The following SUFU variants were observed in gnomAD, a reference collection of about 807,000 sequenced individuals.
The protein encoded by SUFU is suppressor of fused homolog.
Under a neutral mutation model 58.9 loss-of-function variants are expected in SUFU, and 7 were observed. The ratio of observed to expected loss-of-function variants is 0.12; its 90% confidence interval spans 0.07 to 0.22. The LOEUF (loss-of-function observed/expected upper bound fraction) is 0.22, where lower values mean the gene tolerates loss of function less well. Among genes scored for constraint, SUFU ranks in the 10% least tolerant of loss-of-function variants. The pLI, the probability that SUFU is intolerant of heterozygous loss-of-function variation, is 1.00. For synonymous variants in SUFU, 232 were observed against 254.8 expected (o/e 0.91, Z 0.85); for missense variants, 451 against 641.3 (o/e 0.70, Z 3.20).
rs113962600 is a variant in SUFU, at chr10:102,503,975, C to T, written c.-178C>T. 10,568 of 910,658 alleles carry T rather than the reference C, an allele frequency of 0.012. 786 individuals carry two copies. In the African/African-American group the frequency reaches 0.16, roughly 14 times the overall value. 56.4% of individuals were successfully genotyped at this position (910,658 alleles called of 1,614,324 possible). On this transcript the variant is annotated 5_prime_UTR_variant, in exon 1 of 12. Transcript: ENST00000369902. ...CCGCCCCGAGGCACCCTCTGGCAGACTCGGCGGCGGCGACAGCCTGGGCGG... is the reference window on the plus strand; with the variant it reads ...CCGCCCCGAGGCACCCTCTGGCAGATTCGGCGGCGGCGACAGCCTGGGCGG...
chr10:102,613,082 GGAAA>G (rs1290260777), intron 8 of SUFU, among the ~76,000 whole-genome samples: 2 of 152,222 alleles, frequency 1.3e-5, no homozygotes, highest in Non-Finnish European at 2.9e-5. Flanking sequence ...CTGGTGGAAG[GGAAA>G]GAGAGTTGGT....
In SUFU at chr10:102,504,164, G is replaced by A. The variant is rs189234140; in HGVS notation, c.12G>A (p.Leu4=). The change falls in exon 1 of 12, where the codon CTG becomes CTA. Residue 4 remains leucine, a synonymous_variant. Coordinates refer to ENST00000369902, the MANE Select transcript of SUFU (RefSeq NM_016169.4). Reference sequence around the variant, plus strand: ...CCCTACGCACCCCGATGGCGGAGCTGCGGCCTAGCGGCGCCCCCGGCCCCA... The same window carrying A: ...CCCTACGCACCCCGATGGCGGAGCTACGGCCTAGCGGCGCCCCCGGCCCCA... MAE[L]RPSGAPGPTA... 7.4e-4 allele frequency: 1,139 copies of A among 1,544,724 alleles called. 6 individuals are homozygous for A. The African/African-American group carries it at 0.013, about 18-fold the overall frequency.
At chr10:102,588,391 T>TA (rs1230401657) in intron 3 of SUFU, among the ~76,000 whole-genome samples, 221 of 121,906 alleles carry the variant, frequency 1.8e-3, no homozygotes, top group Admixed American at 2.9e-3. Flanking sequence ...AGACTCTGTC[T>TA]CAAAAAAAAA....
At chr10:102,568,940 A>C (rs61871131) in intron 3 of SUFU, among the ~76,000 whole-genome samples, 1,507 of 64,140 alleles carry the variant, frequency 0.023, 167 homozygotes, top group Middle Eastern at 0.065. Context: ...ATATATATAT[A>C]TATATATATA....
chr10:102,591,304 T>C (rs1391783601), intron 3 of SUFU, among the ~76,000 whole-genome samples: 2 of 152,190 alleles, frequency 1.3e-5, no homozygotes, highest in Admixed American at 1.3e-4. Context: ...ATCGAGGCCA[T>C]CCTGGCTAAC....
intron 5 of SUFU, 72 bp downstream of exon 5, chr10:102,593,793 G>T (rs2063431288): frequency 2.0e-6 from 3 of 1,513,028 alleles, no homozygotes; most frequent in Admixed American, 3.4e-5. Context: ...TACCCTCCAT[G>T]TGGGGCTCCC....
Position 102,617,382 on chromosome 10 carries a change from T to C in SUFU, c.1250T>C (p.Phe417Ser). 4 of 1,614,228 alleles carry C rather than the reference T, an allele frequency of 2.5e-6. No homozygotes were observed. Among genetic ancestry groups the C allele is most frequent in the Non-Finnish European group, 3.4e-6 (4 of 1,180,046 alleles). The part of the protein sequence containing the change: ...TFVSTGVEGA[F>S]ATEEHPYAAH... ...GTCTCCACGGGAGTGGAAGGCGCCT[T>C]TGCCACTGAGGAGCATCCTTACGCG... Residue 417 changes from phenylalanine (F) to serine (S), a missense_variant, in exon 10 of 12, where the codon TTT becomes TCT. Coordinates refer to ENST00000369902, the MANE Select transcript of SUFU (RefSeq NM_016169.4). This position sits in a 1 kb window ranked among gnomAD's most constrained non-coding sequence, Gnocchi z 4.4.
chr10:102,608,799 A>G (rs1466883601), intron 8 of SUFU, among the ~76,000 whole-genome samples: 7 of 152,130 alleles, frequency 4.6e-5, no homozygotes, highest in Non-Finnish European at 1.0e-4. Context: ...AAACCGGTAC[A>G]TTTTCCCTCT....
At chr10:102,505,125 G>C (rs148290071) in intron 1 of SUFU, among the ~76,000 whole-genome samples, 12 of 152,290 alleles carry the variant, frequency 7.9e-5, no homozygotes, top group South Asian at 4.1e-4. Flanking sequence ...GAAATAAATG[G>C]TGGAGACTCT....
chr10:102,583,512 A>C (rs1232690881), intron 3 of SUFU, among the ~76,000 whole-genome samples: 1 of 152,152 alleles, frequency 6.6e-6, no homozygotes, highest in Non-Finnish European at 1.5e-5. Context: ...GCCTCTTCCC[A>C]AGTTATTAAG....
At chr10:102,622,082 C>T (rs966931532) in intron 10 of SUFU, among the ~76,000 whole-genome samples, 13 of 152,234 alleles carry the variant, frequency 8.5e-5, no homozygotes, top group African/African-American at 3.1e-4. Context: ...TGTGAGCCCA[C>T]TGGAGTAGCT....
intron 1 of SUFU, among the ~76,000 whole-genome samples, chr10:102,507,577 TTCTTAAA>T (rs1589973685): frequency 6.6e-6 from 1 of 152,240 alleles, no homozygotes; most frequent in Non-Finnish European, 1.5e-5. Flanking sequence ...TGTAGCAACT[TTCTTAAA>T]AGTTCTATAA....
chr10:102,590,669 T>C (rs1270723229), intron 3 of SUFU: 1 of 152,254 alleles, frequency 6.6e-6, no homozygotes, highest in Non-Finnish European at 1.5e-5. Flanking sequence ...GAAAAGTTGA[T>C]ATTAATTCTT....
intron 3 of SUFU, among the ~76,000 whole-genome samples, chr10:102,578,352 T>C (rs1178281963): frequency 6.6e-6 from 1 of 151,074 alleles, no homozygotes; most frequent in Admixed American, 6.6e-5. Flanking sequence ...CCGAGGTGGG[T>C]GGATCACTTG....
In SUFU at chr10:102,593,787, C is replaced by T. The variant is rs184742566; in HGVS notation, c.683+66C>T. 5 of 1,521,922 alleles carry T rather than the reference C, an allele frequency of 3.3e-6. No homozygotes were observed. The East Asian group carries it at 9.1e-5, about 28-fold the overall frequency. 94.3% of individuals were successfully genotyped at this position (1,521,922 alleles called of 1,614,324 possible). A position where few individuals can be genotyped will look rare whatever the true frequency, so the allele number is the denominator to read the frequency against. ...TGGGGGTGGGAGTCCCTCCACTACC[C>T]TCCATGTGGGGCTCCCTCTTGCGTT... On this transcript the variant is annotated intron_variant, in intron 5 of 11. Coordinates refer to ENST00000369902, the MANE Select transcript of SUFU (RefSeq NM_016169.4).
rs1400726123 is a variant in SUFU, at chr10:102,632,244, GGGTCTTTGTGGACT to G, written c.*2091_*2104del. 4.3e-6 allele frequency: 1 copy of G among 233,248 alleles called. No individual in the cohort carries two copies. Among genetic ancestry groups the G allele is most frequent in the Non-Finnish European group, 8.5e-6 (1 of 118,114 alleles). 14.4% of individuals were successfully genotyped at this position (233,248 alleles called of 1,614,324 possible). On this transcript the variant is annotated 3_prime_UTR_variant, in exon 12 of 12. Transcript: ENST00000369902. ...GTCAGCAACCTGCCCCAGACCTGGA[GGGTCTTTGTGGACT>G]GAAGGTAGACACCAGCCAGCATGGT...
chr10:102,536,915 A>T (rs1158253468), intron 2 of SUFU, among the ~76,000 whole-genome samples: 3 of 151,838 alleles, frequency 2.0e-5, no homozygotes, highest in East Asian at 1.9e-4. Context: ...GGCTCCACTG[A>T]TCCTCCTGCC....
intron 2 of SUFU, among the ~76,000 whole-genome samples, chr10:102,538,215 T>C: frequency 6.6e-6 from 1 of 152,208 alleles, no homozygotes; most frequent in South Asian, 2.1e-4. Flanking sequence ...TTCAGAACCA[T>C]TGTTTTTAGT....
chr10:102,606,051 T>C (rs1387178827), intron 8 of SUFU, among the ~76,000 whole-genome samples: 1 of 152,140 alleles, frequency 6.6e-6, no homozygotes, highest in Non-Finnish European at 1.5e-5. Flanking sequence ...ATGTGAAAAA[T>C]TAAGACTTTT....
Sources: allele counts gnomAD v4.1 joint callset (sites outside exome capture counted in the v4.1 genomes callset), GRCh38; gene constraint gnomAD v4.1.1; non-coding constraint Gnocchi (gnomAD v3.1); transcripts MANE v1.5; gene names NCBI Gene and HGNC (gene_info 2026-07-23, HGNC 2026-07-21).